The following COL24A1 variants were observed in gnomAD, a reference collection of about 807,000 sequenced individuals.
COL24A1 encodes collagen type XXIV alpha 1 chain.
Under a neutral mutation model 253.9 loss-of-function variants are expected in COL24A1, and 224 were observed. The ratio of observed to expected loss-of-function variants is 0.88; its 90% CI spans 0.79 to 0.99. The LOEUF is 0.99. Ranked by LOEUF, COL24A1 falls within the 50% of genes least tolerant of loss-of-function variation. The pLI, the probability that COL24A1 is intolerant of heterozygous loss-of-function variation, is 0.00. For missense variants in COL24A1, 2,131 were observed against 2,068.5 expected (o/e 1.03, Z -0.59); for synonymous variants, 685 against 673.7 (o/e 1.02, Z -0.26).
At chr1:85,988,261 T>TAATTAA (rs1693913134) in intron 19 of COL24A1, among the ~76,000 whole-genome samples, 1 of 152,024 alleles carries the variant, frequency 6.6e-6, no homozygotes, top group Non-Finnish European at 1.5e-5. Flanking sequence ...GTTCCATCAT[T>TAATTAA]AATTAATAAA....
At chr1:85,828,737 G>C (rs1211294768) in intron 43 of COL24A1, among the ~76,000 whole-genome samples, 1 of 119,674 alleles carries the variant, frequency 8.4e-6, no homozygotes, top group Admixed American at 8.6e-5. Context: ...CAGAGACTAC[G>C]ATTGCAACCC....
intron 52 of COL24A1, among the ~76,000 whole-genome samples, chr1:85,776,690 G>T (rs1259162975): frequency 6.6e-6 from 1 of 151,558 alleles, no homozygotes; most frequent in African/African-American, 2.4e-5. Context: ...GTCATTGTTA[G>T]CAGTGTTGTG....
intron 43 of COL24A1, among the ~76,000 whole-genome samples, chr1:85,828,737 G>A (rs1211294768): frequency 5.8e-5 from 7 of 119,674 alleles, no homozygotes; most frequent in Non-Finnish European, 1.3e-4. Flanking sequence ...CAGAGACTAC[G>A]ATTGCAACCC....
At chr1:85,912,766 G>A (rs1408634665) in intron 24 of COL24A1, among the ~76,000 whole-genome samples, 2 of 152,152 alleles carry the variant, frequency 1.3e-5, no homozygotes, top group African/African-American at 4.8e-5. Context: ...AGTTTAAGTG[G>A]CTATTGAGCA....
intron 37 of COL24A1, among the ~76,000 whole-genome samples, chr1:85,853,867 C>A (rs1047162838): frequency 6.6e-6 from 1 of 151,966 alleles, no homozygotes; most frequent in Non-Finnish European, 1.5e-5. Context: ...GGATATTAGA[C>A]CTTTGTTGGA....
At chr1:85,777,223 C>A (rs1393619298) in intron 52 of COL24A1, among the ~76,000 whole-genome samples, 1 of 152,056 alleles carries the variant, frequency 6.6e-6, no homozygotes, top group East Asian at 1.9e-4. Flanking sequence ...GCTGAGATTA[C>A]AGGAGTGAGT....
intron 47 of COL24A1, among the ~76,000 whole-genome samples, chr1:85,792,544 A>C (rs1214654035): frequency 6.7e-6 from 1 of 150,094 alleles, no homozygotes; most frequent in Non-Finnish European, 1.5e-5. Context: ...AAAAAAAGAA[A>C]GGAAAAAAGT....
intron 24 of COL24A1, among the ~76,000 whole-genome samples, chr1:85,958,779 A>G (rs1053166619): frequency 6.6e-6 from 1 of 152,166 alleles, no homozygotes; most frequent in African/African-American, 2.4e-5. Flanking sequence ...AATTATGGTT[A>G]GATAATTCTA....
At position 85,964,942 on chromosome 1, in the gene COL24A1, T is replaced by A. The variant is rs1571394353; in HGVS notation, c.2517+67A>T. On this transcript the variant is annotated intron_variant, in intron 23 of 59. Transcript: ENST00000370571. Reference sequence around the variant, plus strand: ...TTGATGTGTTCATTTCACATTTGTATGAAAGTCATAATTTTATCTTTCTGA... The same window carrying A: ...TTGATGTGTTCATTTCACATTTGTAAGAAAGTCATAATTTTATCTTTCTGA... 7 of 1,390,788 alleles carry A rather than the reference T, an allele frequency of 5.0e-6. No homozygotes were observed. In the East Asian group the frequency reaches 1.6e-4, roughly 33 times the overall value. 86.2% of individuals were successfully genotyped at this position (1,390,788 alleles called of 1,614,324 possible).
At chr1:86,133,950 A>G (rs914603816) in intron 2 of COL24A1, among the ~76,000 whole-genome samples, 9 of 149,936 alleles carry the variant, frequency 6.0e-5, no homozygotes, top group Admixed American at 6.7e-5. Flanking sequence ...TACCTCTGGT[A>G]GAATTCGGCT....
chr1:85,907,234 G>GC lies in COL24A1; in HGVS notation c.2737dup (p.Ala913GlyfsTer11), dbSNP rs757322517. On this transcript the variant is annotated frameshift_variant, in exon 28 of 60. Coordinates refer to ENST00000370571, the MANE Select transcript of COL24A1 (RefSeq NM_152890.7). LOFTEE classifies it high-confidence loss of function. ...ACCTTGACTCCCAGGTGGTCCTCTT[G>GC]CCCCCACATGACCCTATATGTTGTA... The GC allele has an allele frequency of 1.9e-6, 3 of 1,610,946 alleles. No homozygotes were observed. Among genetic ancestry groups the GC allele is most frequent in the Non-Finnish European group, 2.5e-6 (3 of 1,177,848 alleles).
At chr1:86,137,480 G>A (rs954036093) in intron 2 of COL24A1, among the ~76,000 whole-genome samples, 1 of 152,138 alleles carries the variant, frequency 6.6e-6, no homozygotes, top group Non-Finnish European at 1.5e-5. Flanking sequence ...CCCAGCTAGG[G>A]AGTGCAGAGG....
At chr1:86,040,810 A>T (rs987236583) in intron 12 of COL24A1, among the ~76,000 whole-genome samples, 8 of 152,136 alleles carry the variant, frequency 5.3e-5, no homozygotes, top group Non-Finnish European at 7.3e-5. Flanking sequence ...CAACTTTTTC[A>T]TAATGTTCTA....
At chr1:85,791,254 A>G (rs538297202) in intron 47 of COL24A1, among the ~76,000 whole-genome samples, 1 of 152,130 alleles carries the variant, frequency 6.6e-6, no homozygotes, top group Non-Finnish European at 1.5e-5. Flanking sequence ...CAAGGAGTCA[A>G]TGCTGAGTAT....
At chr1:85,849,871 C>T (rs1677562628) in intron 37 of COL24A1, among the ~76,000 whole-genome samples, 1 of 152,134 alleles carries the variant, frequency 6.6e-6, no homozygotes, top group South Asian at 2.1e-4. Context: ...ATGAAGTCTC[C>T]ACACACATAT....
chr1:86,073,255 A>T (rs1701998517), intron 7 of COL24A1, among the ~76,000 whole-genome samples: 2 of 152,220 alleles, frequency 1.3e-5, no homozygotes, highest in Non-Finnish European at 2.9e-5. Flanking sequence ...TGCTAACTGG[A>T]TTAACCAGTT....
chr1:85,965,080 A>G lies in COL24A1; in HGVS notation c.2464-18T>C. 1 of 1,595,142 alleles carries G rather than the reference A, an allele frequency of 6.3e-7. No individual in the cohort carries two copies. Among genetic ancestry groups the G allele is most frequent in the Non-Finnish European group, 8.5e-7 (1 of 1,169,718 alleles). On this transcript the variant is annotated intron_variant, in intron 22 of 59. Transcript: ENST00000370571. ...GGTTTTCCCTAGAAGAGAACAGCAT[A>G]AAAGAAGAAAGTATATATGTTTAGT...
At chr1:86,128,560 T>C (rs1282178995) in intron 2 of COL24A1, among the ~76,000 whole-genome samples, 2 of 151,978 alleles carry the variant, frequency 1.3e-5, no homozygotes, top group Non-Finnish European at 2.9e-5. Flanking sequence ...CTTGCATTTA[T>C]TAAGAACCCC....
intron 10 of COL24A1, among the ~76,000 whole-genome samples, chr1:86,054,002 C>T (rs1700499983): frequency 6.6e-6 from 1 of 151,998 alleles, no homozygotes; most frequent in African/African-American, 2.4e-5. Flanking sequence ...CCCTACTACC[C>T]ACTGATCTTC....
Sources: gnomAD v4.1 joint callset for allele counts (sites outside exome capture counted in the v4.1 genomes callset) on GRCh38, gnomAD v4.1.1 for gene constraint, MANE v1.5 for transcripts, NCBI Gene and HGNC (gene_info 2026-07-23, HGNC 2026-07-21) for gene names.